ARHGAP26: variants seen among roughly 807,000 people sequenced by gnomAD.
The protein encoded by ARHGAP26 is Rho GTPase activating protein 26.
ARHGAP26 carries 38 observed loss-of-function variants against 104.8 expected under a neutral mutation model. The observed-to-expected ratio is 0.36, with a 90% confidence interval of 0.28 to 0.48. ARHGAP26 has a LOEUF of 0.48. Ranked by LOEUF, ARHGAP26 falls within the 20% of genes least tolerant of loss-of-function variation. The probability of loss-of-function intolerance (pLI) is 0.99; values close to 1 mark genes in which losing one functional copy is unlikely to be tolerated. For missense variants in ARHGAP26, 704 were observed against 947.9 expected (o/e 0.74, Z 3.38); for synonymous variants, 341 against 340.0 (o/e 1.00, Z -0.03).
chr5:143,119,738 A>G (rs191258360), intron 17 of ARHGAP26, among the ~76,000 whole-genome samples: 8 of 152,278 alleles, frequency 5.3e-5, no homozygotes, highest in East Asian at 1.9e-4. Context: ...AAACCTAACC[A>G]TGCTCTGCCC....
intron 20 of ARHGAP26, among the ~76,000 whole-genome samples, chr5:143,163,045 G>A (rs573410973): frequency 3.3e-5 from 5 of 152,094 alleles, no homozygotes; most frequent in Non-Finnish European, 7.4e-5. Flanking sequence ...AGTTCAAAAG[G>A]TCAAGGCTGC....
intron 13 of ARHGAP26, among the ~76,000 whole-genome samples, chr5:143,040,121 G>A (rs956656432): frequency 6.6e-6 from 1 of 152,186 alleles, no homozygotes; most frequent in Non-Finnish European, 1.5e-5. Flanking sequence ...AAGGATAGAA[G>A]AAGTAGAGAC....
intron 1 of ARHGAP26, among the ~76,000 whole-genome samples, chr5:142,820,229 G>A (rs185629372): frequency 1.5e-4 from 23 of 152,274 alleles, no homozygotes; most frequent in Middle Eastern, 3.4e-3. Flanking sequence ...AGACCCCAAC[G>A]TTGAGAATTC....
intron 20 of ARHGAP26, among the ~76,000 whole-genome samples, chr5:143,190,035 G>GAAAAA (rs1342197102): frequency 0.18 from 25,759 of 144,594 alleles, 2,433 homozygotes; most frequent in African/African-American, 0.24. Context: ...GGAGGGGGGG[G>GAAAAA]AAAAAAAAAA....
At chr5:143,198,270 C>A (rs1467204818) in intron 20 of ARHGAP26, among the ~76,000 whole-genome samples, 3 of 152,208 alleles carry the variant, frequency 2.0e-5, no homozygotes, top group African/African-American at 7.2e-5. Flanking sequence ...CTATTCAGAT[C>A]TTTTGAGATA....
rs1215602992 is a variant in ARHGAP26, at chr5:143,080,602, TG to T, written c.1538+22856del. Among the ~76,000 whole-genome samples the T allele has an allele frequency of 2.0e-5, 3 of 152,164 alleles. No homozygotes were observed. The East Asian group carries it at 5.8e-4, about 29-fold the overall frequency. ...AACCCTGGGAAAGGCACCTGCTTGG[TG>T]TGGAAACACCCTGGGCGTGGTCACG... On this transcript the variant is annotated intron_variant, in intron 17 of 22. Transcript: ENST00000645722.
At chr5:143,181,279 C>G (rs892525269) in intron 20 of ARHGAP26, among the ~76,000 whole-genome samples, 1 of 152,216 alleles carries the variant, frequency 6.6e-6, no homozygotes, top group Non-Finnish European at 1.5e-5. Context: ...CCTGGGTGAC[C>G]TACTCTGGCT....
chr5:143,059,785 G>A (rs1274973542), intron 17 of ARHGAP26, among the ~76,000 whole-genome samples: 2 of 152,310 alleles, frequency 1.3e-5, no homozygotes, highest in Admixed American at 6.5e-5. Flanking sequence ...TTTATGGCAT[G>A]TTTTGATCAT....
At chr5:143,136,325 T>C (rs1210065600) in intron 19 of ARHGAP26, among the ~76,000 whole-genome samples, 4 of 152,158 alleles carry the variant, frequency 2.6e-5, no homozygotes, top group African/African-American at 9.7e-5. Context: ...TCTGTCCATG[T>C]CTGCAGATGG....
chr5:142,902,104 G>A, intron 7 of ARHGAP26, 65 bp downstream of exon 7: 1 of 1,433,706 alleles, frequency 7.0e-7, no homozygotes, highest in Non-Finnish European at 9.7e-7. Flanking sequence ...GGGCCTGATT[G>A]CCCTAGAAAC....
chr5:143,062,707 A>G (rs962669496), intron 17 of ARHGAP26, among the ~76,000 whole-genome samples: 2 of 152,216 alleles, frequency 1.3e-5, no homozygotes, highest in African/African-American at 4.8e-5. Context: ...GATGAGCCCT[A>G]GTGGTTCAGT....
chr5:143,075,516 G>A (rs1240603709), intron 17 of ARHGAP26, among the ~76,000 whole-genome samples: 1 of 151,978 alleles, frequency 6.6e-6, no homozygotes, highest in East Asian at 1.9e-4. Context: ...TGTATAAAAA[G>A]GAGATCACTG....
intron 22 of ARHGAP26, 34 bp downstream of exon 22, chr5:143,214,122 G>C: frequency 3.0e-6 from 1 of 333,946 alleles, no homozygotes; most frequent in Non-Finnish European, 6.2e-6. Context: ...AGATATGGGC[G>C]GGGGGCGGGG....
intron 20 of ARHGAP26, among the ~76,000 whole-genome samples, chr5:143,168,272 C>G (rs1330368121): frequency 6.6e-6 from 1 of 152,090 alleles, no homozygotes; most frequent in Non-Finnish European, 1.5e-5. Context: ...TCTTCAGACA[C>G]TAAAGCTGGG....
chr5:142,807,276 A>G (rs1196867297), intron 1 of ARHGAP26, among the ~76,000 whole-genome samples: 1 of 152,222 alleles, frequency 6.6e-6, no homozygotes, highest in Non-Finnish European at 1.5e-5. Context: ...TAGGGGCAGT[A>G]GTGTTTGGTA....
chr5:142,906,863 T>C (rs1056715746), intron 8 of ARHGAP26, among the ~76,000 whole-genome samples: 22 of 152,006 alleles, frequency 1.4e-4, no homozygotes, highest in Non-Finnish European at 2.9e-4. Context: ...TAATTCTCTT[T>C]ATGTTTAAAC....
rs571565640 is a variant in ARHGAP26 at position 143,207,773 on chromosome 5, A to G, written c.2099+465A>G. Among the ~76,000 whole-genome samples, 45 of 152,356 alleles carry G rather than the reference A, an allele frequency of 3.0e-4. 2 individuals carry two copies. Among genetic ancestry groups the G allele is most frequent in the African/African-American group, 9.6e-4 (40 of 41,578 alleles). ...TTGGTGTAAGATAACATAAGAGGAAACAGTGTTGGGACATGTGCCAACCTT... is the reference window on the plus strand; with the variant it reads ...TTGGTGTAAGATAACATAAGAGGAAGCAGTGTTGGGACATGTGCCAACCTT... On this transcript the variant is annotated intron_variant, in intron 21 of 22. Transcript: ENST00000645722.
intron 19 of ARHGAP26, among the ~76,000 whole-genome samples, chr5:143,138,055 A>T (rs3756373): frequency 0.027 from 4,117 of 152,282 alleles, 160 homozygotes; most frequent in East Asian, 0.13. Flanking sequence ...GGTTTTTCCT[A>T]CAGTGTGAGT....
Position 143,152,706 on chromosome 5 carries a change from GC to G in ARHGAP26, c.1988+5327del, listed in dbSNP as rs539008581. On this transcript the variant is annotated intron_variant, in intron 20 of 22. Transcript: ENST00000645722. ...ACATCATGTGCCTTCCCAGGCCCAG[GC>G]CACAATGCCTCACAGCTTTCTCTCT... 1.6e-3 allele frequency among the ~76,000 whole-genome samples: 250 copies of G among 152,306 alleles called. 1 individual carries two copies. Among genetic ancestry groups the G allele is most frequent in the African/African-American group, 4.0e-3 (165 of 41,570 alleles).
Sources: allele counts gnomAD v4.1 joint callset (sites outside exome capture counted in the v4.1 genomes callset), GRCh38; gene constraint gnomAD v4.1.1; transcripts MANE v1.5; gene names NCBI Gene and HGNC (gene_info 2026-07-23, HGNC 2026-07-21).